DSCAM: variants seen among roughly 807,000 people sequenced by gnomAD.
The protein encoded by DSCAM is DS cell adhesion molecule, also known as cell adhesion molecule DSCAM.
In DSCAM, 47 loss-of-function variants were observed where a neutral mutation model predicts 217.7. The ratio of observed to expected loss-of-function variants is 0.22; its 90% CI spans 0.17 to 0.28. The LOEUF (loss-of-function observed/expected upper bound fraction) is 0.28. DSCAM is among the 10% of genes least tolerant of loss of function. The pLI is 1.00. For missense variants in DSCAM, 2,080 were observed against 2,618.3 expected (o/e 0.79, Z 4.49); for synonymous variants, 1,056 against 1,015.3 (o/e 1.04, Z -0.76).
At chr21:40,678,562 A>T (rs2090365814) in intron 3 of DSCAM, among the ~76,000 whole-genome samples, 1 of 152,088 alleles carries the variant, frequency 6.6e-6, no homozygotes, top group Admixed American at 6.6e-5. Flanking sequence ...AGCAGCTGTC[A>T]TTTTTGCCAT....
rs1666425880 is a variant in DSCAM at position 40,016,345 on chromosome 21, A to G, written c.5687-2959T>C. Among the ~76,000 whole-genome samples, 1 of 152,180 alleles carries G rather than the reference A, an allele frequency of 6.6e-6. No homozygotes were observed. The highest frequency in any genetic ancestry group is 6.5e-5 in the Admixed American group (1 of 15,280). ...AGGAAACTGTGTGGACAGTGAAATC[A>G]CTAACTGTGAAAGGGTGTATAGGGG... On this transcript the variant is annotated intron_variant, in intron 32 of 32. Coordinates refer to ENST00000400454, the MANE Select transcript of DSCAM (RefSeq NM_001389.5). The surrounding 1 kb of genome is among the most constrained non-coding windows in gnomAD (Gnocchi z 4.3).
At chr21:40,542,797 G>C (rs2076551965) in intron 3 of DSCAM, among the ~76,000 whole-genome samples, 1 of 152,146 alleles carries the variant, frequency 6.6e-6, no homozygotes, top group African/African-American at 2.4e-5. Flanking sequence ...GGAAATGAAG[G>C]CTTGGAGCAA....
chr21:40,794,604 C>T (rs2091674809), intron 1 of DSCAM, among the ~76,000 whole-genome samples: 1 of 151,644 alleles, frequency 6.6e-6, no homozygotes, highest in Admixed American at 6.6e-5. Context: ...GGATCTCAAC[C>T]TTCAGCATTT....
intron 3 of DSCAM, among the ~76,000 whole-genome samples, chr21:40,427,693 C>T (rs1161084404): frequency 6.6e-6 from 1 of 152,202 alleles, no homozygotes; most frequent in Non-Finnish European, 1.5e-5. Flanking sequence ...GCCCCATTGG[C>T]TTTGTCATTG....
At chr21:40,526,186 G>A (rs1377970865) in intron 3 of DSCAM, among the ~76,000 whole-genome samples, 2 of 152,168 alleles carry the variant, frequency 1.3e-5, no homozygotes, top group Admixed American at 1.3e-4. Context: ...CCCAGCTGGA[G>A]CTGGCCCCCA....
In DSCAM at chr21:40,620,030, G is replaced by A. The variant is rs1368422468; in HGVS notation, c.508+72780C>T. On this transcript the variant is annotated intron_variant, in intron 3 of 32. Coordinates refer to ENST00000400454, the MANE Select transcript of DSCAM (RefSeq NM_001389.5). Reference sequence around the variant, plus strand: ...GAGAAAAAAGAAAAAGAAAGAAAGAGAGAGAGAAAGAGAGAGAAAAAAGAA... The same window carrying A: ...GAGAAAAAAGAAAAAGAAAGAAAGAAAGAGAGAAAGAGAGAGAAAAAAGAA... 8.2e-5 allele frequency among the ~76,000 whole-genome samples: 9 copies of A among 110,186 alleles called. 2 individuals carry two copies. The highest frequency in any genetic ancestry group is 5.5e-4 in the East Asian group (2 of 3,660). 72.3% of individuals were successfully genotyped at this position (110,186 alleles called of 152,430 possible). A position where few individuals can be genotyped will look rare whatever the true frequency, so the allele number is the denominator to read the frequency against.
chr21:40,747,950 T>C (rs1444483820), intron 1 of DSCAM, among the ~76,000 whole-genome samples: 1 of 151,854 alleles, frequency 6.6e-6, no homozygotes, highest in East Asian at 1.9e-4. Flanking sequence ...ATTACCACAT[T>C]AACAGAATCA....
At chr21:40,352,586 G>A (rs2074644070) in intron 5 of DSCAM, among the ~76,000 whole-genome samples, 1 of 152,194 alleles carries the variant, frequency 6.6e-6, no homozygotes, top group South Asian at 2.1e-4. Flanking sequence ...GGGTGGGGAG[G>A]AGGAAGTAAG....
intron 3 of DSCAM, among the ~76,000 whole-genome samples, chr21:40,599,294 T>C (rs1466952633): frequency 6.6e-6 from 1 of 152,180 alleles, no homozygotes; most frequent in East Asian, 1.9e-4. Context: ...CATGGTGGTT[T>C]GCTGTACCTA....
intron 11 of DSCAM, chr21:40,212,264 A>T (rs1221568113): frequency 2.6e-5 from 4 of 154,300 alleles, no homozygotes; most frequent in Non-Finnish European, 4.4e-5. Context: ...CACTGTGCCC[A>T]GTCAATTCTG....
chr21:40,672,951 T>G (rs8134076), intron 3 of DSCAM, among the ~76,000 whole-genome samples: 134,982 of 152,180 alleles, frequency 0.89, 60,003 homozygotes, highest in East Asian at 1. Context: ...CCCCCGCACT[T>G]TTCTCCACAC....
chr21:40,033,351 T>C lies in DSCAM; in HGVS notation c.5686+9020A>G, dbSNP rs531079660. On this transcript the variant is annotated intron_variant, in intron 32 of 32. Transcript: ENST00000400454. ...CGCGAGCCGAAGCAGGGCGAGGCATTGCATCACTCGGGAAGCACAGGGGTC... is the reference window on the plus strand; with the variant it reads ...CGCGAGCCGAAGCAGGGCGAGGCATCGCATCACTCGGGAAGCACAGGGGTC... Among the ~76,000 whole-genome samples, 17 of 152,272 alleles carry C rather than the reference T, an allele frequency of 1.1e-4. No individual in the cohort carries two copies. The South Asian group carries it at 3.3e-3, about 30-fold the overall frequency.
chr21:40,218,176 G>C (rs2091260500), intron 11 of DSCAM, among the ~76,000 whole-genome samples: 1 of 152,106 alleles, frequency 6.6e-6, no homozygotes, highest in African/African-American at 2.4e-5. Context: ...TGTACATGTT[G>C]TAAGAAAGGG....
chr21:40,140,715 T>G (rs941428838), intron 18 of DSCAM, among the ~76,000 whole-genome samples: 1 of 152,172 alleles, frequency 6.6e-6, no homozygotes, highest in Non-Finnish European at 1.5e-5. Flanking sequence ...AAACTTGTGT[T>G]TAGGTGGGAG....
chr21:40,176,077 C>T (rs1326526067), intron 15 of DSCAM, among the ~76,000 whole-genome samples: 1 of 151,922 alleles, frequency 6.6e-6, no homozygotes, highest in Admixed American at 6.6e-5. Flanking sequence ...CAAAATCCCT[C>T]CTCTGTCCTG....
chr21:40,810,610 A>G (rs1441626100), intron 1 of DSCAM, among the ~76,000 whole-genome samples: 3 of 152,112 alleles, frequency 2.0e-5, no homozygotes, highest in Non-Finnish European at 4.4e-5. Context: ...TAATAATGAA[A>G]ATTTTTGTAG....
At chr21:40,128,079 T>C (rs1226195090) in intron 19 of DSCAM, among the ~76,000 whole-genome samples, 1 of 151,560 alleles carries the variant, frequency 6.6e-6, no homozygotes, top group Non-Finnish European at 1.5e-5. Flanking sequence ...GGCTCCCATG[T>C]CTCTGTTGAG....
chr21:40,185,685 C>G (rs886158918), intron 14 of DSCAM, among the ~76,000 whole-genome samples: 8 of 152,216 alleles, frequency 5.3e-5, no homozygotes, highest in African/African-American at 1.9e-4. Flanking sequence ...ATGTGCCTGC[C>G]TCACCTAAGA....
At chr21:40,524,468 T>C (rs1331982989) in intron 3 of DSCAM, among the ~76,000 whole-genome samples, 1 of 152,152 alleles carries the variant, frequency 6.6e-6, no homozygotes, top group Non-Finnish European at 1.5e-5. Flanking sequence ...AAATCTTAAG[T>C]GCTTATATAC....
Sources: gnomAD v4.1 joint callset for allele counts (sites outside exome capture counted in the v4.1 genomes callset) on GRCh38, gnomAD v4.1.1 for gene constraint, Gnocchi (gnomAD v3.1) non-coding constraint, MANE v1.5 for transcripts, NCBI Gene and HGNC (gene_info 2026-07-23, HGNC 2026-07-21) for gene names.